Variants in YME1L1 observed in about 807,000 individuals in gnomAD.
YME1L1 encodes the protein ATP-dependent zinc metalloprotease YME1L1.
YME1L1 carries 39 observed loss-of-function variants against 90.4 expected under a neutral mutation model. The observed-to-expected ratio is 0.43, with a 90% CI of 0.33 to 0.56. YME1L1 has a LOEUF of 0.56. Ranked by LOEUF, YME1L1 falls within the 20% of genes least tolerant of loss-of-function variation. The probability of loss-of-function intolerance (pLI) is 0.03; values close to 1 mark genes in which losing one functional copy is unlikely to be tolerated. For synonymous variants in YME1L1, 284 were observed against 287.3 expected (o/e 0.99, Z 0.12); for missense variants, 617 against 868.4 (o/e 0.71, Z 3.64).
chr10:27,125,533 T>G (rs979114062), intron 9 of YME1L1, among the ~76,000 whole-genome samples: 1 of 145,946 alleles, frequency 6.9e-6, no homozygotes, highest in Admixed American at 6.9e-5. Context: ...ACTGGGGAAG[T>G]GGGTAGGGAT....
chr10:27,127,825 T>C (rs1405097521), intron 8 of YME1L1, among the ~76,000 whole-genome samples: 3 of 152,166 alleles, frequency 2.0e-5, no homozygotes, highest in African/African-American at 7.2e-5. Context: ...TTGTGCACTG[T>C]TGTGTGAATT....
chr10:27,120,637 G>T, intron 12 of YME1L1, 90 bp from the exon 13 acceptor site: 6 of 905,816 alleles, frequency 6.6e-6, no homozygotes, highest in Non-Finnish European at 1.0e-5. Context: ...TGACTGGGAA[G>T]CCAATGGCAG....
chr10:27,147,730 T>TGGTATGCTCATTTAGC, intron 2 of YME1L1: 1 of 1,543,786 alleles, frequency 6.5e-7, no homozygotes, highest in East Asian at 2.4e-5. Flanking sequence ...TTCCTGTCTG[T>TGGTATGCTCATTTAGC]AACACCCGTG....
chr10:27,113,970 T>C (rs1417836506), intron 18 of YME1L1, among the ~76,000 whole-genome samples: 1 of 151,818 alleles, frequency 6.6e-6, no homozygotes, highest in East Asian at 1.9e-4. Context: ...AAAAAAAATT[T>C]ATTTGTTGAA....
chr10:27,136,163 A>C, intron 5 of YME1L1, 113 bp downstream of exon 5: 1 of 831,202 alleles, frequency 1.2e-6, no homozygotes, highest in Non-Finnish European at 1.9e-6. Flanking sequence ...CCTTATTATT[A>C]GTGGAAAGAA....
At chr10:27,143,720 G>T (rs1192068102) in intron 3 of YME1L1, among the ~76,000 whole-genome samples, 6 of 128,494 alleles carry the variant, frequency 4.7e-5, no homozygotes, top group Non-Finnish European at 8.2e-5. Flanking sequence ...AAAAAAAGAT[G>T]TACTGTGTTT....
intron 13 of YME1L1, 114 bp from the exon 14 acceptor site, chr10:27,119,563 C>T (rs1204388052): frequency 8.6e-7 from 1 of 1,158,870 alleles, no homozygotes; most frequent in Non-Finnish European, 1.2e-6. Context: ...AATCCCAGCA[C>T]TTTGGGAGGC....
In YME1L1 at chr10:27,147,653, A is replaced by C. The variant is rs1187951069; in HGVS notation, c.168+1253T>G. On this transcript the variant is annotated intron_variant, in intron 2 of 18. Transcript: ENST00000376016. Reference sequence around the variant, plus strand: ...GAAACAATGTTAAGCTTCGTCAGGAAGTCACTGAACATACACTGTAGGAAG... The same window carrying C: ...GAAACAATGTTAAGCTTCGTCAGGACGTCACTGAACATACACTGTAGGAAG... The C allele has an allele frequency of 5.2e-6, 8 of 1,551,444 alleles. No homozygotes were observed. The South Asian group carries it at 8.3e-5, about 16-fold the overall frequency.
At position 27,131,873 on chromosome 10, in the gene YME1L1, C is replaced by A; in HGVS notation, c.844G>T (p.Glu282Ter). 6.2e-7 allele frequency: 1 copy of A among 1,612,106 alleles called. No homozygotes were observed. The highest frequency in any genetic ancestry group is 1.1e-5 in the South Asian group (1 of 90,572). ...TCTTAACTTACCCCTTTAACATGTTCAAAGGTGACATTTTTCATCTGGACA... is the reference window on the plus strand; with the variant it reads ...TCTTAACTTACCCCTTTAACATGTTAAAAGGTGACATTTTTCATCTGGACA... Reference protein sequence around the residue: ...DPVQMKNVTFEHVKGVEEAKQ... With the variant: ...DPVQMKNVTF The change falls in exon 8 of 19, where the codon GAA becomes TAA. Residue 282 changes from glutamate (E) to a stop codon, truncating the protein, a stop_gained. Transcript: ENST00000376016. LOFTEE classifies it high-confidence loss of function.
intron 4 of YME1L1, among the ~76,000 whole-genome samples, chr10:27,139,436 G>C (rs780972096): frequency 4.6e-5 from 7 of 152,014 alleles, no homozygotes; most frequent in Non-Finnish European, 1.0e-4. Context: ...CCAAAGTGTT[G>C]GGATTACAGG....
intron 7 of YME1L1, 44 bp downstream of exon 7, chr10:27,133,995 T>G (rs2057001312): frequency 1.5e-6 from 2 of 1,353,934 alleles, no homozygotes; most frequent in Non-Finnish European, 2.1e-6. Flanking sequence ...ATCATGTATT[T>G]AAAGGAATAA....
At chr10:27,149,624 T>C (rs1394447258) in intron 1 of YME1L1, among the ~76,000 whole-genome samples, 1 of 148,198 alleles carries the variant, frequency 6.7e-6, no homozygotes, top group Non-Finnish European at 1.5e-5. Context: ...GGTAGAAGAA[T>C]TGCTTGATCT....
chr10:27,135,963 G>C (rs767533380), intron 5 of YME1L1, among the ~76,000 whole-genome samples: 1 of 152,196 alleles, frequency 6.6e-6, no homozygotes, highest in Non-Finnish European at 1.5e-5. Context: ...GTGGTTAATG[G>C]ATGTGGGAGG....
At chr10:27,149,167 G>T in intron 1 of YME1L1, 127 bp from the exon 2 acceptor site, 1 of 776,934 alleles carries the variant, frequency 1.3e-6, no homozygotes, top group Non-Finnish European at 2.0e-6. Context: ...ACTAAAAACT[G>T]TAAGTACTCA....
chr10:27,143,699 T>TAAAA (rs10671752), intron 3 of YME1L1, among the ~76,000 whole-genome samples: 8,689 of 134,158 alleles, frequency 0.065, 561 homozygotes, highest in African/African-American at 0.16. Flanking sequence ...CTCGTCTCTT[T>TAAAA]AAAAAAAAAA....
Position 27,142,969 on chromosome 10 carries a change from G to T in YME1L1, c.332-484C>A, listed in dbSNP as rs953585773. ...CCTGACCTCCTGATCTGCCCACCTC[G>T]GCCTCCCAAAGTGCTGGGATTACAG... On this transcript the variant is annotated intron_variant, in intron 3 of 18. Coordinates refer to ENST00000376016, the MANE Select transcript of YME1L1 (RefSeq NM_014263.4). 3.9e-5 allele frequency among the ~76,000 whole-genome samples: 6 copies of T among 152,094 alleles called. No homozygotes were observed. In the East Asian group the frequency reaches 9.7e-4, roughly 25 times the overall value.
chr10:27,140,777 G>A (rs577718376), intron 4 of YME1L1, among the ~76,000 whole-genome samples: 3 of 152,108 alleles, frequency 2.0e-5, no homozygotes, highest in South Asian at 2.1e-4. Context: ...GTGCCTGGCC[G>A]TATTTAGGTA....
intron 13 of YME1L1, 95 bp from the exon 14 acceptor site, chr10:27,119,544 C>A (rs923309623): frequency 8.8e-6 from 12 of 1,362,456 alleles, no homozygotes; most frequent in Non-Finnish European, 1.2e-5. Context: ...TGCGTTGGCT[C>A]ATGCCTGTAA....
intron 1 of YME1L1, among the ~76,000 whole-genome samples, chr10:27,150,920 C>CTTTTTT (rs142259641): frequency 3.8e-4 from 33 of 87,680 alleles, no homozygotes; most frequent in East Asian, 8.5e-4. Context: ...ACTCTCTCGC[C>CTTTTTT]TTTTTTTTTT....
Sources: gnomAD v4.1 joint callset for allele counts (sites outside exome capture counted in the v4.1 genomes callset) on GRCh38, gnomAD v4.1.1 for gene constraint, MANE v1.5 for transcripts, NCBI Gene and HGNC (gene_info 2026-07-23, HGNC 2026-07-21) for gene names.